PTPRN2: variants seen among roughly 807,000 people sequenced by gnomAD.
PTPRN2 encodes protein tyrosine phosphatase receptor type N2.
Under a neutral mutation model 118.8 loss-of-function variants are expected in PTPRN2, and 74 were observed. That is an observed-to-expected ratio of 0.62 (90% CI 0.52 to 0.76). The LOEUF (loss-of-function observed/expected upper bound fraction) is 0.76, where lower values mean the gene tolerates loss of function less well. Among genes scored for constraint, PTPRN2 ranks in the 30% least tolerant of loss-of-function variants. PTPRN2 has a pLI of 0.00. For missense variants in PTPRN2, 1,481 were observed against 1,394.4 expected (o/e 1.06, Z -0.99); for synonymous variants, 641 against 608.0 (o/e 1.05, Z -0.80).
At position 157,809,485 on chromosome 7, in the gene PTPRN2, C is replaced by T. The variant is rs151057095; in HGVS notation, c.1788+89188G>A. On this transcript the variant is annotated intron_variant, in intron 12 of 22. Coordinates refer to ENST00000389418, the MANE Select transcript of PTPRN2 (RefSeq NM_002847.5). ...ACCAAGGCACTGTGGCGAGCAGAAC[C>T]GTTTCCCCAAAAAGACACGTTCAAC... Among the ~76,000 whole-genome samples the T allele has an allele frequency of 5.1e-3, 780 of 151,946 alleles. 7 individuals carry two copies. The highest frequency in any genetic ancestry group is 0.017 in the African/African-American group (707 of 41,208).
chr7:157,898,375 G>A (rs1322923878), intron 12 of PTPRN2, among the ~76,000 whole-genome samples: 1 of 152,186 alleles, frequency 6.6e-6, no homozygotes, highest in East Asian at 1.9e-4. Context: ...GCTGAAGAAG[G>A]AAGGAAGCAC....
intron 14 of PTPRN2, among the ~76,000 whole-genome samples, chr7:157,645,121 G>A (rs141410751): frequency 0.01 from 1,572 of 152,358 alleles, 12 homozygotes; most frequent in South Asian, 0.023. Context: ...GTCCATTTCC[G>A]TGACAGCACC....
At chr7:157,781,602 T>C (rs1392076832) in intron 12 of PTPRN2, among the ~76,000 whole-genome samples, 5 of 152,146 alleles carry the variant, frequency 3.3e-5, no homozygotes, top group African/African-American at 1.2e-4. Flanking sequence ...CAAGTTCGAG[T>C]ATGAAGCGTG....
At position 157,918,726 on chromosome 7, in the gene PTPRN2, G is replaced by T. The variant is rs543360836; in HGVS notation, c.1724-19989C>A. 1.1e-4 allele frequency among the ~76,000 whole-genome samples: 16 copies of T among 152,324 alleles called. No homozygotes were observed. In the East Asian group the frequency reaches 3.1e-3, roughly 29 times the overall value. On this transcript the variant is annotated intron_variant, in intron 11 of 22. Transcript: ENST00000389418. ...GAATAAATAGACTAATGTTAGATTA[G>T]ATTATAAAATTCCAGACAACGATAT...
intron 3 of PTPRN2, among the ~76,000 whole-genome samples, chr7:158,302,535 C>T (rs189779164): frequency 2.7e-4 from 41 of 152,372 alleles, no homozygotes; most frequent in Admixed American, 5.9e-4. Flanking sequence ...CCCCAGTCAC[C>T]GACTGCATGC....
intron 1 of PTPRN2, among the ~76,000 whole-genome samples, chr7:158,540,503 C>T (rs554153995): frequency 2.6e-4 from 39 of 152,120 alleles, no homozygotes; most frequent in Non-Finnish European, 5.4e-4. Flanking sequence ...CTGGGCCCCC[C>T]ACCTGTGCTC....
chr7:157,898,776 A>G, intron 11 of PTPRN2, 39 bp from the exon 12 acceptor site: 1 of 1,521,244 alleles, frequency 6.6e-7, no homozygotes, highest in South Asian at 1.1e-5. Flanking sequence ...GTCAGGTTGG[A>G]GAGGTCCTCA....
rs187230474 is a variant in PTPRN2 at position 158,138,663 on chromosome 7, T to C, written c.911-148A>G. The C allele has an allele frequency of 6.2e-4, 413 of 667,370 alleles. 1 individual carries two copies. In the African/African-American group the frequency reaches 6.7e-3, roughly 11 times the overall value. The allele number at this position is 667,370 out of a possible 1,614,324, so 41.3% of individuals were successfully genotyped here. On this transcript the variant is annotated intron_variant, in intron 6 of 22. Coordinates refer to ENST00000389418, the MANE Select transcript of PTPRN2 (RefSeq NM_002847.5). ...GGCGCAGGCCAGTGCTCAGAGAAGATTGGGATATTGGACTTGAATCTCAAA... is the reference window on the plus strand; with the variant it reads ...GGCGCAGGCCAGTGCTCAGAGAAGACTGGGATATTGGACTTGAATCTCAAA...
chr7:157,660,915 C>T (rs1795852325), intron 13 of PTPRN2, among the ~76,000 whole-genome samples: 1 of 152,200 alleles, frequency 6.6e-6, no homozygotes, highest in Non-Finnish European at 1.5e-5. Flanking sequence ...CCACCACACC[C>T]AGCTAATTTT....
chr7:158,046,650 T>C (rs1205127138), intron 11 of PTPRN2, among the ~76,000 whole-genome samples: 2 of 152,210 alleles, frequency 1.3e-5, no homozygotes, highest in Non-Finnish European at 1.5e-5. Flanking sequence ...ATGTCGAGAC[T>C]TTAAAATACT....
rs1796424766 is a variant in PTPRN2, at chr7:157,671,693, C to A, written c.2001+11032G>T. 6.6e-6 allele frequency among the ~76,000 whole-genome samples: 1 copy of A among 152,148 alleles called. No individual in the cohort carries two copies. The highest frequency in any genetic ancestry group is 6.5e-5 in the Admixed American group (1 of 15,280). On this transcript the variant is annotated intron_variant, in intron 13 of 22. Transcript: ENST00000389418. This position sits in a 1 kb window ranked among gnomAD's most constrained non-coding sequence, Gnocchi z 4.1. The stretch of plus-strand genomic sequence containing the variant: ...GCTGGGGGCGGAGCGGCTACTGGAG[C>A]AGCTGCTTCTCCATTTTCGGAACTG...
At position 158,310,461 on chromosome 7, in the gene PTPRN2, G is replaced by A. The variant is rs990298578; in HGVS notation, c.277+6358C>T. Among the ~76,000 whole-genome samples, 6 of 152,230 alleles carry A rather than the reference G, an allele frequency of 3.9e-5. No individual in the cohort carries two copies. The East Asian group carries it at 5.8e-4, about 15-fold the overall frequency. Reference sequence around the variant, plus strand: ...TCGCAGAGTGGTGAGGACCATGGCCGAATGCGTTCATGCTCTGGGCTCCTG... The same window carrying A: ...TCGCAGAGTGGTGAGGACCATGGCCAAATGCGTTCATGCTCTGGGCTCCTG... On this transcript the variant is annotated intron_variant, in intron 3 of 22. Transcript: ENST00000389418.
intron 12 of PTPRN2, among the ~76,000 whole-genome samples, chr7:157,737,571 C>G (rs1800375339): frequency 6.6e-6 from 1 of 152,250 alleles, no homozygotes; most frequent in African/African-American, 2.4e-5. Flanking sequence ...AAGTTCCCAT[C>G]CCCTGGCCTG....
chr7:158,057,343 A>G (rs1392275073), intron 11 of PTPRN2, among the ~76,000 whole-genome samples: 7 of 152,202 alleles, frequency 4.6e-5, no homozygotes, highest in African/African-American at 1.7e-4. Context: ...TAGAATCGTC[A>G]AACTTGGGGA....
chr7:157,820,172 CCA>C (rs1806728706), intron 12 of PTPRN2, among the ~76,000 whole-genome samples: 1 of 148,702 alleles, frequency 6.7e-6, no homozygotes, highest in South Asian at 2.2e-4. Flanking sequence ...TATAGAACAC[CCA>C]CACTTATGCA....
rs2150746360 is a variant in PTPRN2 at position 158,205,171 on chromosome 7, C to T, written c.380G>A (p.Arg127Lys). 6.2e-7 allele frequency: 1 copy of T among 1,612,022 alleles called. No homozygotes were observed. ...LRRPEASSPA[R>K]PSKHSVGSER... is the part of the protein sequence containing the mutation. ...AGCAACAAGCCACGTCCACACTTAC[C>T]TGGCTGGGCTGGATGCTTCAGGACG... Residue 127 changes from arginine to lysine, a missense_variant and splice_region_variant, in exon 4 of 23, where the codon AGG becomes AAG. This residue lies in a region of PTPRN2 where 1,115 missense variants were observed against 994.2 expected (regional missense o/e 1.12). Coordinates refer to ENST00000389418, the MANE Select transcript of PTPRN2 (RefSeq NM_002847.5).
intron 3 of PTPRN2, among the ~76,000 whole-genome samples, chr7:158,251,222 T>G (rs945338689): frequency 6.6e-6 from 1 of 152,172 alleles, no homozygotes; most frequent in African/African-American, 2.4e-5. Context: ...AGAACTGGGC[T>G]CCCGTCCTGC....
At chr7:158,348,237 A>G (rs1018747387) in intron 2 of PTPRN2, among the ~76,000 whole-genome samples, 17 of 151,874 alleles carry the variant, frequency 1.1e-4, no homozygotes, top group Non-Finnish European at 1.9e-4. Flanking sequence ...GATGCTGCAG[A>G]TCCCGGCCAC....
chr7:158,466,807 G>A (rs1819421618), intron 2 of PTPRN2, among the ~76,000 whole-genome samples: 1 of 152,222 alleles, frequency 6.6e-6, no homozygotes, highest in African/African-American at 2.4e-5. Context: ...TTGGGAGGCT[G>A]AGGCGGGTGG....
Sources: allele counts gnomAD v4.1 joint callset (sites outside exome capture counted in the v4.1 genomes callset), GRCh38; gene constraint gnomAD v4.1.1; regional missense constraint gnomAD v4.1.1; non-coding constraint Gnocchi (gnomAD v3.1); transcripts MANE v1.5; gene names NCBI Gene and HGNC (gene_info 2026-07-23, HGNC 2026-07-21).